MIPOL1: variants seen among roughly 807,000 people sequenced by gnomAD.
MIPOL1 encodes the protein mirror-image polydactyly gene 1 protein.
MIPOL1 carries 57 observed loss-of-function variants against 60.9 expected under a neutral mutation model. That is an observed-to-expected ratio of 0.94 (90% CI 0.76 to 1.17). The LOEUF is 1.17. MIPOL1 is among the 50% of genes most tolerant of loss of function. The probability of loss-of-function intolerance (pLI) is 0.00; values close to 1 mark genes in which losing one functional copy is unlikely to be tolerated. For synonymous variants in MIPOL1, 179 were observed against 168.8 expected, an observed-to-expected ratio of 1.06 and a Z score of -0.47; for missense variants, 551 against 511.6, an observed-to-expected ratio of 1.08 and a Z score of -0.74.
intron 11 of MIPOL1, among the ~76,000 whole-genome samples, chr14:37,456,826 A>G (rs1477185970): frequency 6.6e-6 from 1 of 152,098 alleles, no homozygotes; most frequent in Non-Finnish European, 1.5e-5. Context: ...AGCTCATTGT[A>G]ATTTTATTTT....
intron 11 of MIPOL1, among the ~76,000 whole-genome samples, chr14:37,489,976 G>A (rs925610310): frequency 2.0e-5 from 3 of 152,166 alleles, no homozygotes; most frequent in African/African-American, 7.2e-5. Flanking sequence ...TAGCTTGAAC[G>A]CTGTGCTGCG....
rs548690311 is a variant in MIPOL1 at position 37,331,456 on chromosome 14, T to TA, written c.828+22938dup. Among the ~76,000 whole-genome samples, 9 of 152,176 alleles carry TA rather than the reference T, an allele frequency of 5.9e-5. No homozygotes were observed. The East Asian group carries it at 1.5e-3, about 26-fold the overall frequency. On this transcript the variant is annotated intron_variant, in intron 9 of 12. Coordinates refer to ENST00000684589, the MANE Select transcript of MIPOL1 (RefSeq NM_001388067.1). ...TCTTCAGTTTCTTTCATCAGTGTTT[T>TA]ATAGTGTTCATTGTAGAGACTTTTT...
chr14:37,199,062 A>T (rs1429205888), intron 1 of MIPOL1, among the ~76,000 whole-genome samples: 1 of 152,220 alleles, frequency 6.6e-6, no homozygotes, highest in Non-Finnish European at 1.5e-5. Flanking sequence ...AATGAATGGG[A>T]GATGTATACA....
At chr14:37,224,282 C>T (rs1016490941) in intron 1 of MIPOL1, among the ~76,000 whole-genome samples, 2 of 152,094 alleles carry the variant, frequency 1.3e-5, no homozygotes, top group African/African-American at 4.8e-5. Context: ...CAGTTTGAGA[C>T]CAGCCTGGGC....
chr14:37,332,093 G>A (rs1378444906), intron 9 of MIPOL1, among the ~76,000 whole-genome samples: 6 of 151,928 alleles, frequency 3.9e-5, no homozygotes, highest in African/African-American at 9.7e-5. Context: ...AGCCGAGATC[G>A]TGCCATTGCA....
intron 3 of MIPOL1, among the ~76,000 whole-genome samples, chr14:37,265,594 G>A (rs1207055232): frequency 2.0e-5 from 3 of 152,172 alleles, no homozygotes; most frequent in Non-Finnish European, 4.4e-5. Flanking sequence ...AGCATTGAAA[G>A]CCTTCAGAGG....
At chr14:37,328,085 T>C (rs2089341278) in intron 9 of MIPOL1, among the ~76,000 whole-genome samples, 1 of 152,052 alleles carries the variant, frequency 6.6e-6, no homozygotes, top group African/African-American at 2.4e-5. Flanking sequence ...CAATCTCTGC[T>C]CACTGCAACC....
intron 11 of MIPOL1, among the ~76,000 whole-genome samples, chr14:37,455,898 C>T (rs955417787): frequency 6.6e-6 from 1 of 151,962 alleles, no homozygotes; most frequent in East Asian, 1.9e-4. Context: ...CAATAATCTC[C>T]TTAATAGCTC....
chr14:37,537,313 A>C (rs930075329), intron 12 of MIPOL1, among the ~76,000 whole-genome samples: 1 of 152,114 alleles, frequency 6.6e-6, no homozygotes, highest in African/African-American at 2.4e-5. Context: ...GATTTTTAAC[A>C]CTATCCTTTG....
At chr14:37,416,395 A>T (rs920401343) in intron 10 of MIPOL1, among the ~76,000 whole-genome samples, 4 of 152,122 alleles carry the variant, frequency 2.6e-5, no homozygotes, top group Non-Finnish European at 5.9e-5. Context: ...TATGGGCATA[A>T]TAGAGTGTAT....
intron 9 of MIPOL1, among the ~76,000 whole-genome samples, chr14:37,344,266 A>C (rs926745164): frequency 2.0e-5 from 3 of 152,136 alleles, no homozygotes; most frequent in Non-Finnish European, 4.4e-5. Flanking sequence ...ACTGTCTTTT[A>C]ATTTATAGAT....
chr14:37,513,947 G>C (rs1433228169), intron 12 of MIPOL1, among the ~76,000 whole-genome samples: 1 of 152,018 alleles, frequency 6.6e-6, no homozygotes, highest in African/African-American at 2.4e-5. Flanking sequence ...AAGAGTTTTG[G>C]CTTTTGGTTT....
chr14:37,520,028 C>T (rs1011636821), intron 12 of MIPOL1, among the ~76,000 whole-genome samples: 1 of 152,092 alleles, frequency 6.6e-6, no homozygotes, highest in Non-Finnish European at 1.5e-5. Flanking sequence ...CAACAGGGGC[C>T]TGATTGCCTT....
intron 11 of MIPOL1, among the ~76,000 whole-genome samples, chr14:37,455,885 T>C (rs1000707838): frequency 2.6e-5 from 4 of 152,274 alleles, no homozygotes; most frequent in East Asian, 3.9e-4. Flanking sequence ...TTCATTGTGA[T>C]GTCAATAATC....
At chr14:37,275,121 A>C (rs1293591572) in intron 6 of MIPOL1, among the ~76,000 whole-genome samples, 1 of 151,166 alleles carries the variant, frequency 6.6e-6, no homozygotes, top group Non-Finnish European at 1.5e-5. Context: ...TTAAAATTTA[A>C]AATCTCTAAA....
chr14:37,434,921 C>T (rs1243767894), intron 11 of MIPOL1, among the ~76,000 whole-genome samples: 1 of 151,626 alleles, frequency 6.6e-6, no homozygotes, highest in East Asian at 1.9e-4. Flanking sequence ...ATCTCATTAC[C>T]GTAGCCTAGC....
intron 11 of MIPOL1, among the ~76,000 whole-genome samples, chr14:37,499,612 G>T (rs1246343425): frequency 6.6e-6 from 1 of 151,974 alleles, no homozygotes; most frequent in Non-Finnish European, 1.5e-5. Flanking sequence ...CCAGTTCTCT[G>T]CTATTCCTTT....
chr14:37,517,499 A>T (rs2095379365), intron 12 of MIPOL1, among the ~76,000 whole-genome samples: 1 of 152,184 alleles, frequency 6.6e-6, no homozygotes, highest in South Asian at 2.1e-4. Flanking sequence ...GCAATGTCTA[A>T]CAATAGTACA....
At chr14:37,374,352 G>A (rs1378140894) in intron 10 of MIPOL1, among the ~76,000 whole-genome samples, 1 of 152,042 alleles carries the variant, frequency 6.6e-6, no homozygotes, top group African/African-American at 2.4e-5. Context: ...CACTCTGATG[G>A]TAGTTTCTTT....
Sources: allele counts gnomAD v4.1 joint callset (sites outside exome capture counted in the v4.1 genomes callset), GRCh38; gene constraint gnomAD v4.1.1; transcripts MANE v1.5; gene names NCBI Gene and HGNC (gene_info 2026-07-23, HGNC 2026-07-21).